The following MYOZ3 variants were observed in gnomAD, a reference collection of about 807,000 sequenced individuals.
MYOZ3 encodes myozenin 3.
MYOZ3 carries 19 observed loss-of-function variants against 26.5 expected under a neutral mutation model. The ratio of observed to expected loss-of-function variants is 0.72; its 90% CI spans 0.50 to 1.05. The LOEUF is 1.05. Among genes scored for constraint, MYOZ3 ranks in the 50% least tolerant of loss-of-function variants. MYOZ3 has a pLI of 0.00. For synonymous variants in MYOZ3, 135 were observed against 138.8 expected (o/e 0.97, Z 0.19); for missense variants, 322 against 337.1 (o/e 0.96, Z 0.35).
chr5:150,664,022 A>T (rs1392880571), intron 2 of MYOZ3, among the ~76,000 whole-genome samples: 1 of 152,018 alleles, frequency 6.6e-6, no homozygotes, highest in Non-Finnish European at 1.5e-5. Flanking sequence ...AAAGAAAAAA[A>T]TTAATTCAAC....
At position 150,662,947 on chromosome 5, in the gene MYOZ3, C is replaced by A; in HGVS notation, c.6C>A (p.Ile2=). The A allele has an allele frequency of 6.2e-7, 1 of 1,611,618 alleles. No homozygotes were observed. The highest frequency in any genetic ancestry group is 8.5e-7 in the Non-Finnish European group (1 of 1,178,896). The change falls in exon 2 of 7, where the codon ATC becomes ATA. Residue 2 remains isoleucine, a synonymous_variant. Coordinates refer to ENST00000517768, the MANE Select transcript of MYOZ3 (RefSeq NM_001122853.3). M[I]PKEQKGPVMA... is the part of the protein sequence containing the mutation. ...GGGGGTCTCTCCTCCACAGGATGAT[C>A]CCCAAGGAGCAGAAGGGGCCAGTGA...
intron 3 of MYOZ3, 144 bp from the exon 4 acceptor site, chr5:150,671,453 G>A: frequency 1.2e-6 from 1 of 811,122 alleles, no homozygotes; most frequent in Non-Finnish European, 2.0e-6. Context: ...GTTTAGCGTT[G>A]TAAACTAGTA....
Position 150,676,773 on chromosome 5 carries a change from C to T in MYOZ3, c.654C>T (p.Ile218=). 6.2e-7 allele frequency: 1 copy of T among 1,614,108 alleles called. No individual in the cohort carries two copies. The highest frequency in any genetic ancestry group is 1.1e-5 in the South Asian group (1 of 91,084). The change falls in exon 7 of 7, where the codon ATC becomes ATT. Residue 218 remains isoleucine (I), a synonymous_variant. Coordinates refer to ENST00000517768, the MANE Select transcript of MYOZ3 (RefSeq NM_001122853.3). ...GTFPRPGTPF[I]PEPLSGLELL... ...TTCCCAGGCCAGGCACCCCCTTCATCCCGGAGCCCCTCAGTGGCTTGGAAC... is the reference window on the plus strand; with the variant it reads ...TTCCCAGGCCAGGCACCCCCTTCATTCCGGAGCCCCTCAGTGGCTTGGAAC...
At chr5:150,671,694 G>C in intron 4 of MYOZ3, 44 bp downstream of exon 4, 1 of 1,613,738 alleles carries the variant, frequency 6.2e-7, no homozygotes, top group Non-Finnish European at 8.5e-7. Flanking sequence ...CTGGGGGAAG[G>C]GGAGCGCGGC....
intron 5 of MYOZ3, 109 bp downstream of exon 5, chr5:150,672,017 AAC>A: frequency 7.1e-7 from 1 of 1,399,382 alleles, no homozygotes; most frequent in Non-Finnish European, 9.5e-7. Flanking sequence ...CCCCTTCCCC[AAC>A]ACACACGCGC....
chr5:150,664,352 C>G (rs1758777823), intron 2 of MYOZ3, among the ~76,000 whole-genome samples: 2 of 152,148 alleles, frequency 1.3e-5, no homozygotes, highest in South Asian at 4.1e-4. Flanking sequence ...TCTCTTTTCT[C>G]TTGGGGAGTT....
chr5:150,672,317 C>A, intron 5 of MYOZ3, 23 bp from the exon 6 acceptor site: 1 of 1,576,542 alleles, frequency 6.3e-7, no homozygotes, highest in Non-Finnish European at 8.6e-7. Flanking sequence ...AACGGAGGCG[C>A]TCCCTTCCCC....
intron 2 of MYOZ3, among the ~76,000 whole-genome samples, chr5:150,665,686 C>T (rs1479786476): frequency 6.6e-6 from 1 of 151,814 alleles, no homozygotes; most frequent in Non-Finnish European, 1.5e-5. Flanking sequence ...ACTTTGCCCT[C>T]TGCAAGTGCT....
At chr5:150,669,245 T>C (rs10055831) in intron 2 of MYOZ3, 21,680 of 151,970 alleles carry the variant, frequency 0.14, 2,882 homozygotes, top group African/African-American at 0.36. Flanking sequence ...GTCAGGAGTT[T>C]GAGACCAGCC....
At chr5:150,663,659 CTGTT>C (rs1285584088) in intron 2 of MYOZ3, among the ~76,000 whole-genome samples, 1 of 152,088 alleles carries the variant, frequency 6.6e-6, no homozygotes, top group Non-Finnish European at 1.5e-5. Context: ...ATTTTGGAAT[CTGTT>C]TATTTGGTCT....
chr5:150,675,008 TCAAAACAAAA>T (rs570383078), intron 6 of MYOZ3, among the ~76,000 whole-genome samples: 11 of 152,142 alleles, frequency 7.2e-5, no homozygotes, highest in Admixed American at 3.9e-4. Flanking sequence ...AGACCCTGTC[TCAAAACAAAA>T]CAAAACAAAA....
rs533110287 is a variant in MYOZ3, at chr5:150,668,878, G to A, written c.62-1606G>A. Among the ~76,000 whole-genome samples, 14 of 152,292 alleles carry A rather than the reference G, an allele frequency of 9.2e-5. No homozygotes were observed. The South Asian group carries it at 2.7e-3, about 29-fold the overall frequency. ...CTATGAGAAAAGAAATAAATGTAAC[G>A]TTCTTCATTGAAAAACAACAACAAA... On this transcript the variant is annotated intron_variant, in intron 2 of 6. Transcript: ENST00000517768.
chr5:150,661,365 A>G lies in MYOZ3; in HGVS notation c.-64A>G, dbSNP rs1758728172. ...ACGCCACGCAACTCTCAGCTTCCCG[A>G]CAGAGGTGTTAATCTTGAGGGTCTA... is the stretch of plus-strand genomic sequence containing the variant. On this transcript the variant is annotated 5_prime_UTR_variant, in exon 1 of 7. Transcript: ENST00000517768. 6.6e-6 allele frequency: 1 copy of G among 152,588 alleles called. No homozygotes were observed. The highest frequency in any genetic ancestry group is 1.5e-5 in the Non-Finnish European group (1 of 68,076). 9.5% of individuals were successfully genotyped at this position (152,588 alleles called of 1,614,324 possible).
chr5:150,674,612 C>G (rs1055431737), intron 6 of MYOZ3, among the ~76,000 whole-genome samples: 1 of 152,246 alleles, frequency 6.6e-6, no homozygotes, highest in African/African-American at 2.4e-5. Context: ...GGCCCTGGCT[C>G]AAGGTTTGTC....
intron 2 of MYOZ3, among the ~76,000 whole-genome samples, chr5:150,666,814 A>G (rs531889948): frequency 6.6e-6 from 1 of 151,340 alleles, no homozygotes; most frequent in South Asian, 2.1e-4. Flanking sequence ...AGACTGGAGC[A>G]CAGTGACATG....
intron 3 of MYOZ3, chr5:150,670,990 A>C: frequency 5.8e-6 from 1 of 173,414 alleles, no homozygotes; most frequent in Non-Finnish European, 1.2e-5. Context: ...AAGATGGAAA[A>C]TGTAGAATGC....
At chr5:150,672,527 G>A (rs780852733) in intron 6 of MYOZ3, 25 bp downstream of exon 6, 2 of 1,541,932 alleles carry the variant, frequency 1.3e-6, no homozygotes, top group African/African-American at 1.4e-5. Flanking sequence ...GCAGCCCGGG[G>A]GACAGACCGG....
chr5:150,672,234 C>A, intron 5 of MYOZ3, 106 bp from the exon 6 acceptor site: 5 of 1,504,194 alleles, frequency 3.3e-6, no homozygotes, highest in Non-Finnish European at 4.5e-6. Context: ...CCCCTAACTC[C>A]GATCTTCCCT....
In MYOZ3 at chr5:150,679,087, G is replaced by C. The variant is rs1176621662; in HGVS notation, c.*2212G>C. ...TTGCTTGCAATTGGTGTTTTCTCTT[G>C]AATTTGGGGGCTGCCATTTAAAGCC... On this transcript the variant is annotated 3_prime_UTR_variant, in exon 7 of 7. Coordinates refer to ENST00000517768, the MANE Select transcript of MYOZ3 (RefSeq NM_001122853.3). 6.6e-6 allele frequency: 1 copy of C among 152,348 alleles called. No individual in the cohort carries two copies. Among genetic ancestry groups the C allele is most frequent in the Non-Finnish European group, 1.5e-5 (1 of 68,042 alleles). The allele number at this position is 152,348 out of a possible 1,614,324, so 9.4% of individuals were successfully genotyped here.
Sources: allele counts gnomAD v4.1 joint callset (sites outside exome capture counted in the v4.1 genomes callset), GRCh38; gene constraint gnomAD v4.1.1; transcripts MANE v1.5; gene names NCBI Gene and HGNC (gene_info 2026-07-23, HGNC 2026-07-21).